AK5: variants seen among roughly 807,000 people sequenced by gnomAD.
AK5 encodes the protein adenylate kinase isoenzyme 5.
In AK5, 27 loss-of-function variants were observed where a neutral mutation model predicts 69.5. The ratio of observed to expected loss-of-function variants is 0.39; its 90% CI spans 0.29 to 0.54. AK5 has a LOEUF of 0.54. Among genes scored for constraint, AK5 ranks in the 20% least tolerant of loss-of-function variants. The pLI is 0.71. For missense variants in AK5, 531 were observed against 700.4 expected (o/e 0.76, Z 2.73); for synonymous variants, 260 against 244.4 (o/e 1.06, Z -0.60).
At chr1:77,398,977 G>T (rs1406554028) in intron 6 of AK5, among the ~76,000 whole-genome samples, 2 of 152,048 alleles carry the variant, frequency 1.3e-5, no homozygotes, top group Admixed American at 6.6e-5. Flanking sequence ...CTGGGCTACA[G>T]ATCCCTTTCT....
intron 7 of AK5, among the ~76,000 whole-genome samples, chr1:77,411,738 A>T (rs770428941): frequency 3.9e-5 from 6 of 152,152 alleles, no homozygotes; most frequent in Non-Finnish European, 7.3e-5. Context: ...CTGAGTAATG[A>T]TCTCAAAGGG....
chr1:77,304,773 A>G (rs1328219384), intron 5 of AK5, among the ~76,000 whole-genome samples: 1 of 152,186 alleles, frequency 6.6e-6, no homozygotes, highest in Non-Finnish European at 1.5e-5. Context: ...AATCTTAGCT[A>G]TTGTAAACAG....
intron 6 of AK5, among the ~76,000 whole-genome samples, chr1:77,368,245 A>ATATGTATGTTATATATAT (rs1553140333): frequency 8.8e-5 from 6 of 67,906 alleles, no homozygotes; most frequent in African/African-American, 2.4e-4. Flanking sequence ...ATATATATAT[A>ATATGTATGTTATATATAT]TATATATAAT....
rs60125215 is a variant in AK5 at position 77,450,551 on chromosome 1, T to TAA, written c.1060-32760_1060-32759dup. On this transcript the variant is annotated intron_variant, in intron 8 of 13. Coordinates refer to ENST00000354567, the MANE Select transcript of AK5 (RefSeq NM_174858.3). The stretch of plus-strand genomic sequence containing the variant: ...TGATCTGGTTTAATCTTCACAACAG[T>TAA]AAAAAAATTATCATTATCCCCAAGG... 4.6e-5 allele frequency among the ~76,000 whole-genome samples: 7 copies of TAA among 152,188 alleles called. No homozygotes were observed. The South Asian group carries it at 6.2e-4, about 14-fold the overall frequency.
At chr1:77,526,863 A>AGAT (rs1237568717) in intron 12 of AK5, among the ~76,000 whole-genome samples, 1 of 151,910 alleles carries the variant, frequency 6.6e-6, no homozygotes, top group Non-Finnish European at 1.5e-5. Flanking sequence ...TATAGTAAAT[A>AGAT]AATAAGGTCT....
chr1:77,332,266 G>A (rs61785662), intron 5 of AK5, among the ~76,000 whole-genome samples: 53,935 of 151,268 alleles, frequency 0.36, 9,880 homozygotes, highest in South Asian at 0.47. Flanking sequence ...GTTTTACCAG[G>A]GATTATCAAT....
chr1:77,417,487 C>T, intron 7 of AK5, 152 bp from the exon 8 acceptor site: 1 of 598,172 alleles, frequency 1.7e-6, no homozygotes. Context: ...GAATCTCCAG[C>T]AAAACATTGT....
At chr1:77,419,181 CT>C (rs1650637193) in intron 8 of AK5, among the ~76,000 whole-genome samples, 2 of 152,112 alleles carry the variant, frequency 1.3e-5, no homozygotes, top group South Asian at 4.1e-4. Flanking sequence ...AGAGGTTGTG[CT>C]GCCTCTGCCA....
Position 77,551,246 on chromosome 1 carries a change from CACCTT to C in AK5, c.1621-7355_1621-7351del, listed in dbSNP as rs1207611846. 3.6e-3 allele frequency among the ~76,000 whole-genome samples: 551 copies of C among 152,134 alleles called. 3 individuals are homozygous for C. The highest frequency in any genetic ancestry group is 0.013 in the African/African-American group (529 of 41,484). ...CCCAACACACACACACACACACACACACCTTCTATAAGACAACAGAAATTGCCTCA... is the reference window on the plus strand; with the variant it reads ...CCCAACACACACACACACACACACACCTATAAGACAACAGAAATTGCCTCA... On this transcript the variant is annotated intron_variant, in intron 13 of 13. Coordinates refer to ENST00000354567, the MANE Select transcript of AK5 (RefSeq NM_174858.3).
At chr1:77,394,214 CAAA>C (rs199934840) in intron 6 of AK5, among the ~76,000 whole-genome samples, 2 of 124,650 alleles carry the variant, frequency 1.6e-5, no homozygotes, top group East Asian at 2.2e-4. Context: ...GACTCCATCT[CAAA>C]AAAAAAAAAA....
intron 6 of AK5, among the ~76,000 whole-genome samples, chr1:77,405,629 C>T (rs887236438): frequency 6.6e-6 from 1 of 152,200 alleles, no homozygotes; most frequent in Non-Finnish European, 1.5e-5. Context: ...TGTGCTGCTC[C>T]CTGAGCCCTG....
At chr1:77,354,465 A>T (rs999825770) in intron 6 of AK5, among the ~76,000 whole-genome samples, 11 of 152,360 alleles carry the variant, frequency 7.2e-5, no homozygotes, top group Middle Eastern at 3.4e-3. Flanking sequence ...TTGTAATGTG[A>T]TGCAGGCTAT....
chr1:77,444,759 T>TG (rs967578375), intron 8 of AK5, among the ~76,000 whole-genome samples: 1 of 148,494 alleles, frequency 6.7e-6, no homozygotes, highest in African/African-American at 2.5e-5. Flanking sequence ...CTGTAGAGAT[T>TG]GGGGGGAGGG....
intron 5 of AK5, among the ~76,000 whole-genome samples, chr1:77,330,008 G>A (rs142098432): frequency 1.3e-5 from 2 of 152,278 alleles, no homozygotes; most frequent in East Asian, 1.9e-4. Flanking sequence ...CAGAAAGAAA[G>A]ATGGATATTC....
chr1:77,318,547 G>T (rs1375803678), intron 5 of AK5, among the ~76,000 whole-genome samples: 1 of 152,112 alleles, frequency 6.6e-6, no homozygotes, highest in African/African-American at 2.4e-5. Context: ...TTTCAAGTAA[G>T]ATGTGTTCCC....
chr1:77,368,252 T>TAA (rs1354697595), intron 6 of AK5, among the ~76,000 whole-genome samples: 1 of 58,578 alleles, frequency 1.7e-5, no homozygotes, highest in African/African-American at 4.3e-5. Context: ...TATATATATA[T>TAA]AATATATATG....
chr1:77,516,072 G>GA (rs1364922577), intron 10 of AK5, among the ~76,000 whole-genome samples: 1 of 150,698 alleles, frequency 6.6e-6, no homozygotes, highest in Non-Finnish European at 1.5e-5. Flanking sequence ...CTATCTCAAA[G>GA]AAAAAAAAGA....
At chr1:77,489,534 A>G (rs943551683) in intron 10 of AK5, among the ~76,000 whole-genome samples, 12 of 152,252 alleles carry the variant, frequency 7.9e-5, no homozygotes, top group Admixed American at 7.8e-4. Context: ...TCCAGATGTC[A>G]TAGACACACC....
intron 13 of AK5, among the ~76,000 whole-genome samples, chr1:77,536,790 C>T (rs1301314052): frequency 6.6e-6 from 1 of 152,138 alleles, no homozygotes; most frequent in African/African-American, 2.4e-5. Flanking sequence ...GGCTCCTTTG[C>T]CTCAATTTCT....
Sources: gnomAD v4.1 joint callset for allele counts (sites outside exome capture counted in the v4.1 genomes callset) on GRCh38, gnomAD v4.1.1 for gene constraint, MANE v1.5 for transcripts, NCBI Gene and HGNC (gene_info 2026-07-23, HGNC 2026-07-21) for gene names.